IMMP2L: variants seen among roughly 807,000 people sequenced by gnomAD.
IMMP2L encodes the protein inner mitochondrial membrane peptidase subunit 2.
IMMP2L carries 18 observed loss-of-function variants against 19.3 expected under a neutral mutation model. The ratio of observed to expected loss-of-function variants is 0.93; its 90% confidence interval spans 0.64 to 1.38. The LOEUF (loss-of-function observed/expected upper bound fraction) is 1.38, where lower values mean the gene tolerates loss of function less well. Among genes scored for constraint, IMMP2L ranks in the 40% most tolerant of loss-of-function variants. IMMP2L has a pLI of 0.00. For synonymous variants in IMMP2L, 76 were observed against 73.0 expected (o/e 1.04, Z -0.21); for missense variants, 233 against 218.2 (o/e 1.07, Z -0.43).
At chr7:111,133,790 T>G (rs112266292) in intron 3 of IMMP2L, among the ~76,000 whole-genome samples, 17 of 152,052 alleles carry the variant, frequency 1.1e-4, no homozygotes, top group African/African-American at 3.9e-4. Flanking sequence ...CACTCTATAC[T>G]CCACCCTCTT....
intron 5 of IMMP2L, among the ~76,000 whole-genome samples, chr7:110,666,251 AG>A (rs1278061867): frequency 6.7e-6 from 1 of 149,042 alleles, no homozygotes; most frequent in Non-Finnish European, 1.5e-5. Flanking sequence ...ATTTCTTTAA[AG>A]TGCCTTGGTT....
At chr7:110,852,772 C>G (rs1159624871) in intron 5 of IMMP2L, among the ~76,000 whole-genome samples, 1 of 151,942 alleles carries the variant, frequency 6.6e-6, no homozygotes, top group East Asian at 1.9e-4. Flanking sequence ...CCAATAGAAA[C>G]CCCGGCCACA....
intron 3 of IMMP2L, among the ~76,000 whole-genome samples, chr7:111,127,752 G>T (rs956059954): frequency 2.0e-5 from 3 of 152,082 alleles, no homozygotes; most frequent in African/African-American, 7.2e-5. Context: ...AAACGCTAAA[G>T]TTTATAGCTG....
intron 3 of IMMP2L, among the ~76,000 whole-genome samples, chr7:111,090,609 T>TAAA (rs201456063): frequency 8.8e-6 from 1 of 113,120 alleles, no homozygotes. Flanking sequence ...ATGTCATTGC[T>TAAA]AAAAAAAAAA....
chr7:111,555,642 A>G (rs1563353536), intron 1 of IMMP2L, among the ~76,000 whole-genome samples: 2 of 152,048 alleles, frequency 1.3e-5, no homozygotes. Flanking sequence ...GTGAGATAAT[A>G]CAATATTTTT....
intron 3 of IMMP2L, among the ~76,000 whole-genome samples, chr7:111,152,994 T>A (rs943053361): frequency 6.6e-6 from 1 of 152,068 alleles, no homozygotes; most frequent in Non-Finnish European, 1.5e-5. Flanking sequence ...ATTTTTCTGG[T>A]TAAATATAAA....
intron 4 of IMMP2L, among the ~76,000 whole-genome samples, chr7:110,935,707 T>G (rs1483301616): frequency 1.3e-5 from 2 of 152,092 alleles, no homozygotes; most frequent in Non-Finnish European, 2.9e-5. Flanking sequence ...GACTTTAAAT[T>G]TCATATGGAA....
chr7:111,009,739 GC>G (rs1824725924), intron 3 of IMMP2L, among the ~76,000 whole-genome samples: 2 of 152,008 alleles, frequency 1.3e-5, no homozygotes, highest in Non-Finnish European at 2.9e-5. Flanking sequence ...CAGTCTAAAG[GC>G]TCACAAAGCC....
At chr7:111,191,513 C>T (rs1325858912) in intron 3 of IMMP2L, among the ~76,000 whole-genome samples, 1 of 151,574 alleles carries the variant, frequency 6.6e-6, no homozygotes, top group Admixed American at 6.6e-5. Context: ...ATTGCCTTGA[C>T]TGGGAATGAC....
intron 5 of IMMP2L, among the ~76,000 whole-genome samples, chr7:110,710,865 G>T (rs1487770569): frequency 6.4e-4 from 8 of 12,530 alleles, no homozygotes; most frequent in East Asian, 5.2e-3. Flanking sequence ...TGGCTTGGTA[G>T]ATCTTCCTCC....
At chr7:111,501,286 A>T (rs1844221440) in intron 2 of IMMP2L, among the ~76,000 whole-genome samples, 1 of 152,144 alleles carries the variant, frequency 6.6e-6, no homozygotes. Flanking sequence ...AAGAATAAAA[A>T]GAAACAAACA....
At chr7:111,318,039 C>A (rs771007239) in intron 3 of IMMP2L, among the ~76,000 whole-genome samples, 30 of 152,176 alleles carry the variant, frequency 2.0e-4, no homozygotes, top group Non-Finnish European at 3.4e-4. Context: ...CAGAATATAA[C>A]CACTTACTTA....
intron 3 of IMMP2L, among the ~76,000 whole-genome samples, chr7:111,042,442 A>G (rs1460372631): frequency 6.6e-6 from 1 of 152,166 alleles, no homozygotes; most frequent in Non-Finnish European, 1.5e-5. Context: ...CAGCCTCCCA[A>G]AGTGTTGGGA....
chr7:111,408,025 C>T (rs1422839552), intron 3 of IMMP2L, among the ~76,000 whole-genome samples: 1 of 151,924 alleles, frequency 6.6e-6, no homozygotes, highest in Non-Finnish European at 1.5e-5. Context: ...ATAACTCAGG[C>T]ATGGGAAAAT....
At chr7:111,032,456 T>A (rs987165978) in intron 3 of IMMP2L, among the ~76,000 whole-genome samples, 7 of 152,080 alleles carry the variant, frequency 4.6e-5, no homozygotes, top group African/African-American at 1.4e-4. Flanking sequence ...ACACATCTGA[T>A]AAATGACTTA....
Position 110,827,330 on chromosome 7 carries a change from G to T in IMMP2L, c.408+59263C>A, listed in dbSNP as rs575253625. On this transcript the variant is annotated intron_variant, in intron 5 of 5. Transcript: ENST00000405709. ...CTTGTCCTTGATGTCCAAGCACACT[G>T]CTTAGGAGACTTTTCAATTGGTTGC... Among the ~76,000 whole-genome samples the T allele has an allele frequency of 1.3e-3, 196 of 152,206 alleles. 1 individual carries two copies. The highest frequency in any genetic ancestry group is 4.5e-3 in the African/African-American group (186 of 41,544).
chr7:110,734,194 G>T (rs564662753), intron 5 of IMMP2L, among the ~76,000 whole-genome samples: 12 of 152,332 alleles, frequency 7.9e-5, no homozygotes, highest in Non-Finnish European at 1.6e-4. Context: ...GAAGAGAGCT[G>T]TAAACAGAGT....
At chr7:111,257,826 A>G (rs1316432280) in intron 3 of IMMP2L, among the ~76,000 whole-genome samples, 1 of 151,822 alleles carries the variant, frequency 6.6e-6, no homozygotes, top group Non-Finnish European at 1.5e-5. Context: ...GTACATGTGC[A>G]TAAAGTGCAG....
intron 3 of IMMP2L, among the ~76,000 whole-genome samples, chr7:111,043,995 A>G (rs948913376): frequency 6.6e-6 from 1 of 152,182 alleles, no homozygotes; most frequent in Non-Finnish European, 1.5e-5. Flanking sequence ...TAATAAAAAC[A>G]CTGAGGCATT....
Sources: gnomAD v4.1 joint callset for allele counts (sites outside exome capture counted in the v4.1 genomes callset) on GRCh38, gnomAD v4.1.1 for gene constraint, MANE v1.5 for transcripts, NCBI Gene and HGNC (gene_info 2026-07-23, HGNC 2026-07-21) for gene names.